The following SLC35F3 variants were observed in gnomAD, a reference collection of about 807,000 sequenced individuals.
SLC35F3 encodes the protein solute carrier family 35 member F3.
A neutral mutation model predicts 49.9 loss-of-function variants in SLC35F3; 25 were observed. That is an observed-to-expected ratio of 0.50 (90% CI 0.37 to 0.70). The LOEUF is 0.70. SLC35F3 is among the 30% of genes least tolerant of loss of function. The probability of loss-of-function intolerance (pLI) is 0.00; values close to 1 mark genes in which losing one functional copy is unlikely to be tolerated. For synonymous variants in SLC35F3, 275 were observed against 265.4 expected (o/e 1.04, Z -0.35); for missense variants, 525 against 639.8 (o/e 0.82, Z 1.94).
intron 2 of SLC35F3, among the ~76,000 whole-genome samples, chr1:234,098,862 A>G (rs1238980815): frequency 6.8e-6 from 1 of 146,972 alleles, no homozygotes; most frequent in East Asian, 2.1e-4. Context: ...GGCAGTTCAG[A>G]TGGCGGTGGT....
chr1:234,321,527 C>G (rs1437280960), intron 7 of SLC35F3, among the ~76,000 whole-genome samples: 2 of 152,226 alleles, frequency 1.3e-5, no homozygotes, highest in African/African-American at 2.4e-5. Flanking sequence ...CCGTCCTCCC[C>G]CTACATTCTT....
chr1:234,291,882 A>T (rs1572137920), intron 3 of SLC35F3, among the ~76,000 whole-genome samples: 1 of 152,322 alleles, frequency 6.6e-6, no homozygotes, highest in East Asian at 1.9e-4. Context: ...GGAGCTAGTG[A>T]TGTCCTTGGT....
intron 2 of SLC35F3, among the ~76,000 whole-genome samples, chr1:233,981,235 C>T (rs928256871): frequency 3.3e-5 from 5 of 152,124 alleles, no homozygotes; most frequent in African/African-American, 1.2e-4. Context: ...GTACTTTATG[C>T]ATTGCATAAT....
At chr1:234,312,736 C>T (rs1657387253) in intron 4 of SLC35F3, among the ~76,000 whole-genome samples, 2 of 152,166 alleles carry the variant, frequency 1.3e-5, no homozygotes, top group Non-Finnish European at 2.9e-5. Flanking sequence ...AAAAATCAGT[C>T]CATTTTTCCC....
At chr1:234,038,089 A>G (rs1664170123) in intron 2 of SLC35F3, among the ~76,000 whole-genome samples, 1 of 149,448 alleles carries the variant, frequency 6.7e-6, no homozygotes, top group African/African-American at 2.5e-5. Context: ...CATTAGGTAT[A>G]TCTCCTAATG....
intron 2 of SLC35F3, among the ~76,000 whole-genome samples, chr1:234,012,380 C>T (rs1244208831): frequency 1.3e-5 from 2 of 152,218 alleles, no homozygotes; most frequent in Non-Finnish European, 2.9e-5. Flanking sequence ...CACCTCAGCA[C>T]AGACCCTGTA....
chr1:234,144,566 T>C (rs1665969659), intron 2 of SLC35F3, among the ~76,000 whole-genome samples: 1 of 152,224 alleles, frequency 6.6e-6, no homozygotes, highest in Non-Finnish European at 1.5e-5. Context: ...TTCAGACATA[T>C]ATTTTTATTT....
intron 3 of SLC35F3, among the ~76,000 whole-genome samples, chr1:234,293,479 TG>T (rs1668540304): frequency 6.6e-6 from 1 of 152,228 alleles, no homozygotes; most frequent in Admixed American, 6.5e-5. Context: ...GAACTATGCA[TG>T]TCTCTGATCC....
chr1:234,108,433 G>GATATATATAAATGATATATATTATTT (rs1665327399), intron 2 of SLC35F3, among the ~76,000 whole-genome samples: 4 of 72,782 alleles, frequency 5.5e-5, no homozygotes, highest in Admixed American at 2.3e-4. Context: ...ATATATAAAA[G>GATATATATAAATGATATATATTATTT]ATATATATAA....
intron 2 of SLC35F3, among the ~76,000 whole-genome samples, chr1:233,964,614 G>A (rs773928745): frequency 4.6e-5 from 7 of 152,248 alleles, no homozygotes; most frequent in African/African-American, 1.2e-4. Flanking sequence ...GAAGGCATGC[G>A]AGGAGCCAAC....
At chr1:233,942,984 TA>T (rs1413338152) in intron 2 of SLC35F3, among the ~76,000 whole-genome samples, 3 of 152,240 alleles carry the variant, frequency 2.0e-5, no homozygotes, top group African/African-American at 4.8e-5. Flanking sequence ...TTACTTCACT[TA>T]GCGTAATGTC....
At chr1:233,998,229 G>A (rs10797516) in intron 2 of SLC35F3, among the ~76,000 whole-genome samples, 18,335 of 151,944 alleles carry the variant, frequency 0.12, 1,735 homozygotes, top group East Asian at 0.42. Context: ...TATCCTATGA[G>A]TATGCCCAAT....
At chr1:233,907,092 T>G (rs529596244) in intron 2 of SLC35F3, among the ~76,000 whole-genome samples, 15 of 152,342 alleles carry the variant, frequency 9.8e-5, no homozygotes, top group Admixed American at 9.1e-4. Flanking sequence ...ACCATATTTC[T>G]TATGGGCATG....
At chr1:234,030,490 T>A (rs891960305) in intron 2 of SLC35F3, among the ~76,000 whole-genome samples, 31 of 152,184 alleles carry the variant, frequency 2.0e-4, no homozygotes, top group African/African-American at 7.0e-4. Context: ...ACTTTGAATA[T>A]GCAAAACTCT....
rs77690267 is a variant in SLC35F3, at chr1:234,025,321, T to C, written c.283+119563T>C. ...TTTTGGCAGAATGATTTATTTTCCT[T>C]TGGGTATATACCCAGTAATGGGATT... is the stretch of plus-strand genomic sequence containing the variant. On this transcript the variant is annotated intron_variant, in intron 2 of 7. Coordinates refer to ENST00000366618, the MANE Select transcript of SLC35F3 (RefSeq NM_173508.4). 5.1e-3 allele frequency among the ~76,000 whole-genome samples: 782 copies of C among 152,372 alleles called. 8 individuals are homozygous for C. Among genetic ancestry groups the C allele is most frequent in the African/African-American group, 0.017 (713 of 41,588 alleles).
At chr1:234,225,443 C>T (rs1269602751) in intron 2 of SLC35F3, among the ~76,000 whole-genome samples, 2 of 152,122 alleles carry the variant, frequency 1.3e-5, no homozygotes, top group East Asian at 3.9e-4. Flanking sequence ...GTCTTTCATG[C>T]AGTCTAGGAA....
At chr1:233,991,781 C>T (rs142266221) in intron 2 of SLC35F3, among the ~76,000 whole-genome samples, 1 of 152,250 alleles carries the variant, frequency 6.6e-6, no homozygotes. Flanking sequence ...CTAAGTTTTG[C>T]CTCCAGCTAC....
chr1:233,979,543 T>C (rs1387668356), intron 2 of SLC35F3, among the ~76,000 whole-genome samples: 1 of 152,148 alleles, frequency 6.6e-6, no homozygotes, highest in Non-Finnish European at 1.5e-5. Flanking sequence ...TGGACAGATG[T>C]TAAATAGCGT....
intron 2 of SLC35F3, among the ~76,000 whole-genome samples, chr1:234,145,441 G>A (rs1665982209): frequency 6.6e-6 from 1 of 152,002 alleles, no homozygotes; most frequent in Non-Finnish European, 1.5e-5. Context: ...TCTTCAGTTA[G>A]GAATCTTTTT....
Sources: gnomAD v4.1 joint callset for allele counts (sites outside exome capture counted in the v4.1 genomes callset) on GRCh38, gnomAD v4.1.1 for gene constraint, MANE v1.5 for transcripts, NCBI Gene and HGNC (gene_info 2026-07-23, HGNC 2026-07-21) for gene names.